DLG2: variants seen among roughly 807,000 people sequenced by gnomAD.
DLG2 encodes the protein disks large homolog 2.
In DLG2, 45 loss-of-function variants were observed where a neutral mutation model predicts 132.5. The ratio of observed to expected loss-of-function variants is 0.34; its 90% CI spans 0.27 to 0.44. The LOEUF (loss-of-function observed/expected upper bound fraction) is 0.44, where lower values mean the gene tolerates loss of function less well. DLG2 is among the 20% of genes least tolerant of loss of function. The pLI, the probability that DLG2 is intolerant of heterozygous loss-of-function variation, is 1.00. For missense variants in DLG2, 1,045 were observed against 1,196.9 expected, an observed-to-expected ratio of 0.87 and a Z score of 1.87; for synonymous variants, 424 against 419.6, an observed-to-expected ratio of 1.01 and a Z score of -0.13.
intron 15 of DLG2, among the ~76,000 whole-genome samples, chr11:83,884,942 T>G (rs1489511516): frequency 1.3e-5 from 2 of 152,062 alleles, no homozygotes; most frequent in African/African-American, 2.4e-5. Flanking sequence ...CAAAAACCCA[T>G]CTGTACAACA....
chr11:85,461,910 A>G (rs1466274487), intron 3 of DLG2, among the ~76,000 whole-genome samples: 1 of 152,206 alleles, frequency 6.6e-6, no homozygotes, highest in Non-Finnish European at 1.5e-5. Context: ...TCATCTGACA[A>G]AGGGCTAATA....
At chr11:84,163,261 T>C (rs1394409272) in intron 9 of DLG2, among the ~76,000 whole-genome samples, 200 bp downstream of exon 9, 1 of 152,180 alleles carries the variant, frequency 6.6e-6, no homozygotes, top group Non-Finnish European at 1.5e-5. Context: ...GAAATTTACA[T>C]ACTAAACATT....
intron 6 of DLG2, among the ~76,000 whole-genome samples, chr11:84,708,587 C>A (rs754211708): frequency 4.6e-5 from 7 of 151,682 alleles, no homozygotes; most frequent in Admixed American, 6.6e-5. Flanking sequence ...AACCCCAGAG[C>A]TCTGGAAGAT....
chr11:85,088,106 G>T (rs1432714783), intron 6 of DLG2, among the ~76,000 whole-genome samples: 1 of 152,076 alleles, frequency 6.6e-6, no homozygotes, highest in African/African-American at 2.4e-5. Flanking sequence ...CTTGGACTCT[G>T]GTAGTATTAG....
intron 8 of DLG2, among the ~76,000 whole-genome samples, chr11:84,189,615 T>C (rs2096362091): frequency 6.6e-6 from 1 of 152,170 alleles, no homozygotes; most frequent in Non-Finnish European, 1.5e-5. Flanking sequence ...ATGTGGCACA[T>C]ATACACCATG....
intron 6 of DLG2, among the ~76,000 whole-genome samples, chr11:84,764,307 G>A (rs139839637): frequency 6.6e-6 from 1 of 152,182 alleles, no homozygotes; most frequent in African/African-American, 2.4e-5. Flanking sequence ...GCTTACCTAT[G>A]ACTCTACTTG....
intron 19 of DLG2, among the ~76,000 whole-genome samples, chr11:83,554,126 C>T (rs770570853): frequency 3.9e-5 from 6 of 152,016 alleles, no homozygotes; most frequent in Middle Eastern, 3.2e-3. Context: ...TCAAGCAATC[C>T]TCCTGCCTTG....
chr11:83,948,694 A>C (rs2084683941), intron 14 of DLG2, among the ~76,000 whole-genome samples: 1 of 151,824 alleles, frequency 6.6e-6, no homozygotes, highest in African/African-American at 2.4e-5. Context: ...TAGCATAAAG[A>C]TATGGATTTT....
intron 3 of DLG2, among the ~76,000 whole-genome samples, chr11:85,527,331 T>A (rs1476647772): frequency 6.6e-6 from 1 of 152,076 alleles, no homozygotes; most frequent in Non-Finnish European, 1.5e-5. Context: ...TTTGTCCTAA[T>A]GCTCTCTCTC....
chr11:85,114,708 A>G (rs1165473725), intron 5 of DLG2, among the ~76,000 whole-genome samples: 1 of 151,996 alleles, frequency 6.6e-6, no homozygotes, highest in Non-Finnish European at 1.5e-5. Flanking sequence ...TTAGCTAAAT[A>G]TGCTGACCAA....
At chr11:85,622,753 G>A (rs909133463) in intron 2 of DLG2, among the ~76,000 whole-genome samples, 6 of 152,044 alleles carry the variant, frequency 3.9e-5, no homozygotes, top group African/African-American at 1.4e-4. Context: ...GAGATATATG[G>A]CAATATCATG....
intron 15 of DLG2, among the ~76,000 whole-genome samples, chr11:83,911,790 A>G (rs1194230942): frequency 6.6e-6 from 1 of 152,140 alleles, no homozygotes; most frequent in African/African-American, 2.4e-5. Flanking sequence ...AATTTAGAGG[A>G]AAAAAACCTT....
chr11:85,447,261 C>T lies in DLG2; in HGVS notation c.40+151396G>A, dbSNP rs77344086. ...ACTCCAAGAATACTATGATGAAAAA[C>T]ACATTTGTTATGGACTGAATTGTGT... On this transcript the variant is annotated intron_variant, in intron 3 of 27. Transcript: ENST00000376104. 9.7e-3 allele frequency among the ~76,000 whole-genome samples: 1,475 copies of T among 152,206 alleles called. 20 individuals are homozygous for T. Among genetic ancestry groups the T allele is most frequent in the African/African-American group, 0.034 (1,417 of 41,532 alleles).
chr11:85,169,291 C>T (rs2078678115), intron 4 of DLG2, among the ~76,000 whole-genome samples: 1 of 152,052 alleles, frequency 6.6e-6, no homozygotes, highest in Non-Finnish European at 1.5e-5. Context: ...TCAACTGTGT[C>T]TATAATATGC....
At chr11:85,436,154 T>C (rs921061060) in intron 3 of DLG2, among the ~76,000 whole-genome samples, 5 of 152,126 alleles carry the variant, frequency 3.3e-5, no homozygotes, top group African/African-American at 1.2e-4. Flanking sequence ...TATACAAAAA[T>C]TAACTCAAGA....
At chr11:85,300,446 G>A (rs911979686) in intron 3 of DLG2, among the ~76,000 whole-genome samples, 1 of 152,106 alleles carries the variant, frequency 6.6e-6, no homozygotes, top group Non-Finnish European at 1.5e-5. Context: ...AAAAGCTAGA[G>A]TCTGGGGCAG....
chr11:84,001,524 T>G (rs187770578), intron 11 of DLG2, among the ~76,000 whole-genome samples: 2 of 152,204 alleles, frequency 1.3e-5, no homozygotes, highest in African/African-American at 4.8e-5. Context: ...AATATCCCAC[T>G]CGGCATTAGA....
intron 9 of DLG2, among the ~76,000 whole-genome samples, chr11:84,101,056 A>G (rs2092476951): frequency 6.6e-6 from 1 of 152,174 alleles, no homozygotes; most frequent in Non-Finnish European, 1.5e-5. Context: ...TAGCACTCAT[A>G]TAATCATGAA....
At chr11:85,561,041 A>T (rs577722989) in intron 3 of DLG2, among the ~76,000 whole-genome samples, 25 of 150,830 alleles carry the variant, frequency 1.7e-4, no homozygotes, top group South Asian at 1.5e-3. Flanking sequence ...TGTCAAAAAA[A>T]AATAATAAAA....
Sources: gnomAD v4.1 joint callset for allele counts (sites outside exome capture counted in the v4.1 genomes callset) on GRCh38, gnomAD v4.1.1 for gene constraint, MANE v1.5 for transcripts, NCBI Gene and HGNC (gene_info 2026-07-23, HGNC 2026-07-21) for gene names.